Variants in CAST observed in about 807,000 individuals in gnomAD.
CAST encodes the protein MIR583 host.
A neutral mutation model predicts 119.6 loss-of-function variants in CAST; 76 were observed. The observed-to-expected ratio is 0.64, with a 90% confidence interval of 0.53 to 0.77. The LOEUF (loss-of-function observed/expected upper bound fraction) is 0.77, where lower values mean the gene tolerates loss of function less well. Among genes scored for constraint, CAST ranks in the 30% least tolerant of loss-of-function variants. CAST has a pLI of 0.00. For missense variants in CAST, 953 were observed against 946.5 expected (o/e 1.01, Z -0.09); for synonymous variants, 319 against 331.6 (o/e 0.96, Z 0.41).
the CAST span, among the ~76,000 whole-genome samples, chr5:96,081,277 A>T: frequency 1.2e-3 from 177 of 152,300 alleles, 1 homozygote; most frequent in African/African-American, 3.8e-3. Context: ...CACAGAGGGA[A>T]TCCAGGTTCT....
intron 3 of CAST, among the ~76,000 whole-genome samples, chr5:96,702,617 A>C (rs1754056966): frequency 6.6e-6 from 1 of 152,244 alleles, no homozygotes; most frequent in South Asian, 2.1e-4. Flanking sequence ...CGCAGCCCAC[A>C]CAGCACGTGG....
chr5:96,304,079 G>T, the CAST span, among the ~76,000 whole-genome samples: 1 of 152,114 alleles, frequency 6.6e-6, no homozygotes, highest in Non-Finnish European at 1.5e-5. Flanking sequence ...GTGTAAAAGC[G>T]TTCCTATTTC....
chr5:96,062,834 C>T, the CAST span, among the ~76,000 whole-genome samples: 7 of 152,176 alleles, frequency 4.6e-5, no homozygotes, highest in South Asian at 2.1e-4. Flanking sequence ...GAACATGTCC[C>T]GCAGTGATGA....
chr5:96,290,351 C>T, the CAST span, among the ~76,000 whole-genome samples: 2 of 152,144 alleles, frequency 1.3e-5, no homozygotes, highest in Non-Finnish European at 2.9e-5. Context: ...CTTTACCAGG[C>T]TCTAAGTTAG....
the CAST span, among the ~76,000 whole-genome samples, chr5:96,470,632 T>C: frequency 1.3e-5 from 2 of 152,096 alleles, no homozygotes; most frequent in African/African-American, 4.8e-5. Context: ...GTTAATGTGC[T>C]AATTTATTTT....
chr5:96,431,561 C>A, the CAST span, among the ~76,000 whole-genome samples: 1 of 152,182 alleles, frequency 6.6e-6, no homozygotes, highest in African/African-American at 2.4e-5. Flanking sequence ...GCCCCTAACA[C>A]GGAGCCTGGC....
chr5:95,971,348 C>G, the CAST span, among the ~76,000 whole-genome samples: 2 of 152,112 alleles, frequency 1.3e-5, no homozygotes, highest in Non-Finnish European at 2.9e-5. Context: ...AAAACAGAAG[C>G]ATGGCATTGG....
the CAST span, among the ~76,000 whole-genome samples, chr5:96,016,108 T>G: frequency 1.3e-5 from 2 of 152,230 alleles, no homozygotes; most frequent in Admixed American, 1.3e-4. Context: ...ATTCTGCCTA[T>G]GGACTGCAGC....
At chr5:96,432,274 T>G in the CAST span, 1 of 702,204 alleles carries the variant, frequency 1.4e-6, no homozygotes. Context: ...TCCCCCCAGC[T>G]TCCCAGGCTA....
the CAST span, chr5:95,962,126 G>T: frequency 5.5e-6 from 2 of 360,712 alleles, no homozygotes; most frequent in East Asian, 4.1e-5. Flanking sequence ...GATTGGCCAG[G>T]CTGGCTTGGG....
chr5:96,640,918 A>T (rs1253254811), intron 1 of CAST, among the ~76,000 whole-genome samples: 1 of 152,174 alleles, frequency 6.6e-6, no homozygotes, highest in Non-Finnish European at 1.5e-5. Context: ...GTTATTCCTG[A>T]GGGGGATCCG....
chr5:96,610,323 C>T (rs72772028), intron 1 of CAST, among the ~76,000 whole-genome samples: 5,328 of 152,250 alleles, frequency 0.035, 132 homozygotes, highest in African/African-American at 0.067. Context: ...AGTACCCCGT[C>T]TCAGGTATGT....
At chr5:96,353,528 G>A in the CAST span, among the ~76,000 whole-genome samples, 1 of 152,190 alleles carries the variant, frequency 6.6e-6, no homozygotes, top group African/African-American at 2.4e-5. Context: ...AGTTGAATCT[G>A]TAGACTGAGT....
At chr5:96,562,003 AG>A (rs796231789) in intron 1 of CAST, among the ~76,000 whole-genome samples, 38 of 150,684 alleles carry the variant, frequency 2.5e-4, no homozygotes, top group Middle Eastern at 3.4e-3. Flanking sequence ...CGTGTTAGCC[AG>A]GATGGTCTCG....
At chr5:96,555,729 A>G (rs1358957378) in intron 1 of CAST, among the ~76,000 whole-genome samples, 1 of 152,226 alleles carries the variant, frequency 6.6e-6, no homozygotes, top group African/African-American at 2.4e-5. Context: ...GCGGCCAGGA[A>G]GCTCAAACTG....
the CAST span, among the ~76,000 whole-genome samples, chr5:96,384,600 C>T: frequency 3.1e-4 from 47 of 152,270 alleles, no homozygotes; most frequent in South Asian, 2.5e-3. Context: ...GCAGCATTTT[C>T]CACTGGGGCA....
At chr5:96,041,646 G>C in the CAST span, among the ~76,000 whole-genome samples, 1 of 151,984 alleles carries the variant, frequency 6.6e-6, no homozygotes, top group South Asian at 2.1e-4. Context: ...AGGAGAAATT[G>C]AGTGAAGGAA....
At chr5:96,349,578 A>G in the CAST span, among the ~76,000 whole-genome samples, 3 of 152,182 alleles carry the variant, frequency 2.0e-5, no homozygotes, top group East Asian at 5.8e-4. Flanking sequence ...AGAATAGATA[A>G]ATTTGTATCT....
At chr5:96,633,609 T>A (rs1747848923) in intron 1 of CAST, among the ~76,000 whole-genome samples, 1 of 152,246 alleles carries the variant, frequency 6.6e-6, no homozygotes, top group African/African-American at 2.4e-5. Flanking sequence ...CAGATACCTG[T>A]ATTATAACAT....
Sources: gnomAD v4.1 joint callset for allele counts (sites outside exome capture counted in the v4.1 genomes callset) on GRCh38, gnomAD v4.1.1 for gene constraint, MANE v1.5 for transcripts, NCBI Gene and HGNC (gene_info 2026-07-23, HGNC 2026-07-21) for gene names.